LONP1: variants seen among roughly 807,000 people sequenced by gnomAD.
The protein encoded by LONP1 is lon peptidase 1, mitochondrial, also known as lon protease homolog, mitochondrial.
A neutral mutation model predicts 98.5 loss-of-function variants in LONP1; 31 were observed. That is an observed-to-expected ratio of 0.31 (90% CI 0.24 to 0.42). LONP1 has a LOEUF of 0.42. LONP1 is among the 20% of genes least tolerant of loss of function. LONP1 has a pLI of 1.00. For missense variants in LONP1, 1,336 were observed against 1,350.6 expected, an observed-to-expected ratio of 0.99 and a Z score of 0.17; for synonymous variants, 781 against 594.7, an observed-to-expected ratio of 1.31 and a Z score of -4.56.
rs375385426 is a variant in LONP1 at position 5,692,053 on chromosome 19, C to T, written c.2859G>A (p.Glu953=). 19 of 1,574,384 alleles carry T rather than the reference C, an allele frequency of 1.2e-5. No individual in the cohort carries two copies. Among genetic ancestry groups the T allele is most frequent in the African/African-American group, 4.1e-5 (3 of 73,470 alleles). Residue 953 remains glutamate, a synonymous_variant, in exon 18 of 18, where the codon GAG becomes GAA. Coordinates refer to ENST00000360614, the MANE Select transcript of LONP1 (RefSeq NM_004793.4). ...GCCGTCACCGTTCCACGGCCAGCGC[C>T]TCTGCCTGCTCGTCCGGGAAGGCGA... ...FDIAFPDEQA[E]ALAVER
intron 4 of LONP1, 67 bp downstream of exon 4, chr19:5,711,704 C>T (rs2055239326): frequency 7.3e-7 from 1 of 1,363,674 alleles, no homozygotes; most frequent in Non-Finnish European, 1.0e-6. Flanking sequence ...GGAGAGGCCG[C>T]AGGAACGGCT....
intron 8 of LONP1, 52 bp downstream of exon 8, chr19:5,705,720 G>A (rs1157861190): frequency 1.2e-5 from 18 of 1,552,640 alleles, no homozygotes; most frequent in Non-Finnish European, 1.6e-5. Context: ...CCTAAGATGG[G>A]GGCTGAGGAG....
At chr19:5,695,945 C>T (rs1240448543) in intron 13 of LONP1, 109 bp downstream of exon 13, 2 of 940,682 alleles carry the variant, frequency 2.1e-6, no homozygotes, top group Non-Finnish European at 3.2e-6. Flanking sequence ...CCGCAGGTCC[C>T]ACCTGTCTCT....
chr19:5,712,072 TG>T, intron 3 of LONP1, 70 bp from the exon 4 acceptor site: 1 of 1,316,076 alleles, frequency 7.6e-7, no homozygotes, highest in East Asian at 2.5e-5. Context: ...GAGGCCTCCC[TG>T]GTGGCACAGG....
In LONP1 at chr19:5,720,092, G is replaced by C. The variant is rs1342211235; in HGVS notation, c.41C>G (p.Ala14Gly). 6.8e-7 allele frequency: 1 copy of C among 1,477,472 alleles called. No homozygotes were observed. The highest frequency in any genetic ancestry group is 1.5e-5 in the African/African-American group (1 of 67,052). 91.5% of individuals were successfully genotyped at this position (1,477,472 alleles called of 1,614,324 possible). A position where few individuals can be genotyped will look rare whatever the true frequency, so the allele number is the denominator to read the frequency against. ...CGGCCGCCGCAGCACCCAGCACCGCGCCGCTCCCCACAGTCGCACGTAGCC... is the reference window on the plus strand; with the variant it reads ...CGGCCGCCGCAGCACCCAGCACCGCCCCGCTCCCCACAGTCGCACGTAGCC... ...STGYVRLWGA[A>G]RCWVLRRPML... is the part of the protein sequence containing the mutation. The change falls in exon 1 of 18, where the codon GCG (alanine) becomes GGG (glycine). Residue 14 changes from alanine to glycine, a missense_variant. This residue lies in a region of LONP1 where 457 missense variants were observed against 403.1 expected (regional missense o/e 1.13). Transcript: ENST00000360614.
chr19:5,694,394 G>T lies in LONP1; in HGVS notation c.2313C>A (p.Thr771=), dbSNP rs754644236. 8.7e-6 allele frequency: 14 copies of T among 1,612,812 alleles called. No homozygotes were observed. The highest frequency in any genetic ancestry group is 2.2e-5 in the East Asian group (1 of 44,874). ...TCCCGCCACCACGCTCACCCATTGC[G>T]GTCCAGGCCAGCCCCATGACCACGC... ...PPGVVMGLAW[T]AMGGSTLFVE... The change falls in exon 15 of 18, where the codon ACC becomes ACA. Residue 771 remains threonine, a synonymous_variant. Coordinates refer to ENST00000360614, the MANE Select transcript of LONP1 (RefSeq NM_004793.4).
At chr19:5,695,647 T>C (rs74933700) in intron 13 of LONP1, among the ~76,000 whole-genome samples, 3,179 of 151,806 alleles carry the variant, frequency 0.021, 54 homozygotes, top group Non-Finnish European at 0.028. Flanking sequence ...ATGAGAAATA[T>C]GGGCCCCTGC....
At position 5,691,951 on chromosome 19, in the gene LONP1, G is replaced by C. The variant is rs890579241; in HGVS notation, c.*81C>G. The C allele has an allele frequency of 4.5e-6, 4 of 890,022 alleles. No individual in the cohort carries two copies. In the Admixed American group the frequency reaches 1.2e-4, roughly 28 times the overall value. The allele number at this position is 890,022 out of a possible 1,614,324, so 55.1% of individuals were successfully genotyped here. On this transcript the variant is annotated 3_prime_UTR_variant, in exon 18 of 18. Transcript: ENST00000360614. The stretch of plus-strand genomic sequence containing the variant: ...TGCTCGCTCGGTGGCTCCACTGCCA[G>C]GTCCGGGCGCGCTCCCCACAGCGCT...
At chr19:5,707,326 G>A (rs1023437279) in intron 6 of LONP1, among the ~76,000 whole-genome samples, 183 bp from the exon 7 acceptor site, 9 of 152,270 alleles carry the variant, frequency 5.9e-5, no homozygotes, top group Non-Finnish European at 5.9e-5. Context: ...CGCATCCTAC[G>A]GATACTTCAC....
At chr19:5,701,149 A>C (rs571995707) in intron 8 of LONP1, among the ~76,000 whole-genome samples, 1 of 152,196 alleles carries the variant, frequency 6.6e-6, no homozygotes, top group East Asian at 1.9e-4. Context: ...CCCCATCTCT[A>C]TAAAACAATT....
In LONP1 at chr19:5,693,349, G is replaced by A. The variant is rs780528687; in HGVS notation, c.2652C>T (p.Ser884=). 2.5e-6 allele frequency: 4 copies of A among 1,613,418 alleles called. No individual in the cohort carries two copies. Among genetic ancestry groups the A allele is most frequent in the Admixed American group, 3.3e-5 (2 of 60,020 alleles). Residue 884 remains serine (S), a synonymous_variant, in exon 17 of 18, where the codon TCC becomes TCT. Coordinates refer to ENST00000360614, the MANE Select transcript of LONP1 (RefSeq NM_004793.4). ...RQNLAMTGEV[S]LTGKILPVGG... ...CAACAGGCAGGATCTTGCCCGTGAG[G>A]GAGACTTCGCCAGTCATGGCCAGAT...
intron 1 of LONP1, among the ~76,000 whole-genome samples, chr19:5,715,623 CAG>C: frequency 9.4e-6 from 1 of 106,684 alleles, no homozygotes; most frequent in East Asian, 3.1e-4. Flanking sequence ...GCCTGGGCGA[CAG>C]AGTGAGACTC....
rs1312922336 is a variant in LONP1, at chr19:5,693,458, G to A, written c.2543C>T (p.Ala848Val). The A allele has an allele frequency of 6.2e-7, 1 of 1,610,894 alleles. No homozygotes were observed. The highest frequency in any genetic ancestry group is 8.5e-7 in the Non-Finnish European group (1 of 1,177,998). Residue 848 changes from alanine to valine, a missense_variant, in exon 17 of 18, where the codon GCC (alanine) becomes GTC (valine). This residue lies in a region of LONP1 where 555 missense variants were observed against 542.6 expected (regional missense o/e 1.02). Transcript: ENST00000360614. ...TGCGCTTGGGCCGTCCTTGGGGGTGGCGCCCTGTGGAGGCATGTGGGGATA... is the reference window on the plus strand; with the variant it reads ...TGCGCTTGGGCCGTCCTTGGGGGTGACGCCCTGTGGAGGCATGTGGGGATA... Reference protein sequence around the residue: ...SHIHLHVPEGATPKDGPSAGC... With the variant: ...SHIHLHVPEGVTPKDGPSAGC...
chr19:5,711,850 G>C lies in LONP1; in HGVS notation c.791C>G (p.Pro264Arg), dbSNP rs1455811658. The C allele has an allele frequency of 4.3e-6, 7 of 1,612,758 alleles. No homozygotes were observed. Among genetic ancestry groups the C allele is most frequent in the Non-Finnish European group, 5.9e-6 (7 of 1,179,994 alleles). The change falls in exon 4 of 18, where the codon CCT (proline) becomes CGT (arginine). Residue 264 changes from proline (P) to arginine (R), a missense_variant. This residue lies in a region of LONP1 where 457 missense variants were observed against 403.1 expected (regional missense o/e 1.13). Coordinates refer to ENST00000360614, the MANE Select transcript of LONP1 (RefSeq NM_004793.4). ...HPAELAMEPT[P>R]ELPAEVLMVE... ...CATGAGCACCTCAGCCGGGAGCTCA[G>C]GGGTGGGCTCCATCGCCAGCTCCGC...
intron 1 of LONP1, 69 bp downstream of exon 1, chr19:5,719,635 T>C: frequency 6.2e-7 from 1 of 1,610,640 alleles, no homozygotes. Context: ...GGCGCTCAAG[T>C]GATCCCACGG....
chr19:5,695,940 G>T, intron 13 of LONP1, 114 bp downstream of exon 13: 1 of 896,248 alleles, frequency 1.1e-6, no homozygotes, highest in Non-Finnish European at 1.7e-6. Flanking sequence ...CTCGGCCGCA[G>T]GTCCCACCTG....
At chr19:5,692,277 A>G in intron 17 of LONP1, 69 bp from the exon 18 acceptor site, 1 of 1,475,508 alleles carries the variant, frequency 6.8e-7, no homozygotes, top group Non-Finnish European at 9.2e-7. Context: ...AACCTCCAGG[A>G]ACGAAAGGGC....
intron 10 of LONP1, among the ~76,000 whole-genome samples, chr19:5,697,249 TG>T (rs2054949817): frequency 6.6e-6 from 1 of 151,472 alleles, no homozygotes; most frequent in African/African-American, 2.4e-5. Context: ...GCTCTGTCTG[TG>T]GGATGAAGAC....
At chr19:5,697,063 CCTCA>C (rs890925621) in intron 10 of LONP1, among the ~76,000 whole-genome samples, 2 of 152,300 alleles carry the variant, frequency 1.3e-5, no homozygotes, top group African/African-American at 4.8e-5. Flanking sequence ...GGCCCCCACT[CCTCA>C]CTGAGGGACG....
Sources: allele counts gnomAD v4.1 joint callset (sites outside exome capture counted in the v4.1 genomes callset), GRCh38; gene constraint gnomAD v4.1.1; regional missense constraint gnomAD v4.1.1; transcripts MANE v1.5; gene names NCBI Gene and HGNC (gene_info 2026-07-23, HGNC 2026-07-21).